GRIA1: variants seen among roughly 807,000 people sequenced by gnomAD.
GRIA1 encodes the protein glutamate receptor 1.
A neutral mutation model predicts 99.2 loss-of-function variants in GRIA1; 31 were observed. The observed-to-expected ratio is 0.31, with a 90% CI of 0.23 to 0.42. The LOEUF is 0.42. Ranked by LOEUF, GRIA1 falls within the 10% of genes least tolerant of loss-of-function variation. The pLI is 1.00. For synonymous variants in GRIA1, 438 were observed against 432.4 expected (o/e 1.01, Z -0.16); for missense variants, 782 against 1,157.5 (o/e 0.68, Z 4.71).
chr5:153,525,329 C>T (rs1161682459), intron 2 of GRIA1: 2 of 152,058 alleles, frequency 1.3e-5, no homozygotes, highest in Admixed American at 1.3e-4. Context: ...ATGTGCTAAC[C>T]ATCCTGTAAT....
rs184146342 is a variant in GRIA1, at chr5:153,709,437, A to G, written c.1823+3370A>G. Reference sequence around the variant, plus strand: ...ACTCTTTCTAATCTCTTCAAAGTTGATGTTAATGTCTAGTAACCAAAACCA... The same window carrying G: ...ACTCTTTCTAATCTCTTCAAAGTTGGTGTTAATGTCTAGTAACCAAAACCA... On this transcript the variant is annotated intron_variant, in intron 11 of 15. Transcript: ENST00000285900. Among the ~76,000 whole-genome samples, 3 of 152,310 alleles carry G rather than the reference A, an allele frequency of 2.0e-5. No homozygotes were observed. In the East Asian group the frequency reaches 5.8e-4, roughly 29 times the overall value.
rs73285902 is a variant in GRIA1 at position 153,601,607 on chromosome 5, A to T, written c.221-45321A>T. 3.3e-3 allele frequency among the ~76,000 whole-genome samples: 501 copies of T among 152,356 alleles called. 4 individuals carry two copies. The highest frequency in any genetic ancestry group is 0.011 in the African/African-American group (464 of 41,588). On this transcript the variant is annotated intron_variant, in intron 2 of 15. Transcript: ENST00000285900. ...CCTCTCTATTCAACACCAGATTGTTAGGGCTGAGCTGAAAAGCTCCTAAGT... is the reference window on the plus strand; with the variant it reads ...CCTCTCTATTCAACACCAGATTGTTTGGGCTGAGCTGAAAAGCTCCTAAGT...
chr5:153,787,903 AC>A (rs1458283213), intron 13 of GRIA1, among the ~76,000 whole-genome samples: 1 of 151,864 alleles, frequency 6.6e-6, no homozygotes, highest in Non-Finnish European at 1.5e-5. Flanking sequence ...ACACAGTGAA[AC>A]CCCGTCTCTA....
At chr5:153,677,203 G>A (rs1039694504) in intron 7 of GRIA1, 42 bp downstream of exon 7, 5 of 1,350,530 alleles carry the variant, frequency 3.7e-6, no homozygotes, top group Non-Finnish European at 3.9e-6. Flanking sequence ...GGAGCCTACT[G>A]GGGGATTTCA....
intron 2 of GRIA1, among the ~76,000 whole-genome samples, chr5:153,605,813 T>C (rs529859138): frequency 6.6e-6 from 1 of 152,220 alleles, no homozygotes; most frequent in African/African-American, 2.4e-5. Context: ...ATACCTTTTT[T>C]AAAAATTGAT....
chr5:153,771,229 G>T (rs1301017015), intron 13 of GRIA1, among the ~76,000 whole-genome samples: 1 of 152,104 alleles, frequency 6.6e-6, no homozygotes, highest in African/African-American at 2.4e-5. Context: ...TTATGTTGAA[G>T]GTCACTGAAA....
At chr5:153,578,259 A>T (rs1181487834) in intron 2 of GRIA1, among the ~76,000 whole-genome samples, 2 of 152,030 alleles carry the variant, frequency 1.3e-5, no homozygotes, top group African/African-American at 4.8e-5. Flanking sequence ...AGAAGGAAAC[A>T]TGAAGGTATT....
chr5:153,612,077 G>A (rs1766039433), intron 2 of GRIA1, among the ~76,000 whole-genome samples: 1 of 152,240 alleles, frequency 6.6e-6, no homozygotes, highest in African/African-American at 2.4e-5. Context: ...GTGAGATGGG[G>A]AAATGTGAGT....
intron 13 of GRIA1, among the ~76,000 whole-genome samples, chr5:153,785,488 CA>C (rs545248638): frequency 6.6e-5 from 10 of 151,266 alleles, no homozygotes; most frequent in East Asian, 1.9e-4. Flanking sequence ...ACAAAGGAAA[CA>C]AAAAAAATTA....
chr5:153,607,068 T>TATATATATATAA (rs1491415058), intron 2 of GRIA1, among the ~76,000 whole-genome samples: 67 of 140,434 alleles, frequency 4.8e-4, no homozygotes, highest in Non-Finnish European at 8.4e-4. Context: ...TATATATATA[T>TATATATATATAA]AATCACAGTT....
chr5:153,495,550 T>C (rs945663954), intron 2 of GRIA1, among the ~76,000 whole-genome samples: 4 of 152,130 alleles, frequency 2.6e-5, no homozygotes, highest in African/African-American at 9.7e-5. Flanking sequence ...AAGGCAGAGG[T>C]CTAATAAAGT....
chr5:153,760,860 C>A (rs1057160602), intron 11 of GRIA1, among the ~76,000 whole-genome samples: 2 of 152,006 alleles, frequency 1.3e-5, no homozygotes, highest in African/African-American at 4.8e-5. Flanking sequence ...AAATAGACAA[C>A]CCAGAAATTA....
rs1348038179 is a variant in GRIA1, at chr5:153,600,341, G to T, written c.221-46587G>T. 3.6e-5 allele frequency among the ~76,000 whole-genome samples: 5 copies of T among 137,388 alleles called. No homozygotes were observed. In the Admixed American group the frequency reaches 4.1e-4, roughly 11 times the overall value. The allele number at this position is 137,388 out of a possible 152,430, so 90.1% of individuals were successfully genotyped here. On this transcript the variant is annotated intron_variant, in intron 2 of 15. Transcript: ENST00000285900. Reference sequence around the variant, plus strand: ...CAGGAGGCGGAGTTTGCAGTGAGCCGAGATCGCGCCGCTGCACTCCAGCCT... The same window carrying T: ...CAGGAGGCGGAGTTTGCAGTGAGCCTAGATCGCGCCGCTGCACTCCAGCCT...
chr5:153,561,816 A>G (rs940511195), intron 2 of GRIA1, among the ~76,000 whole-genome samples: 1 of 152,196 alleles, frequency 6.6e-6, no homozygotes, highest in African/African-American at 2.4e-5. Context: ...GGAGGGGGCA[A>G]TCACTTCCAC....
chr5:153,532,344 CAT>C (rs1936890344), intron 2 of GRIA1, among the ~76,000 whole-genome samples: 2 of 152,262 alleles, frequency 1.3e-5, no homozygotes, highest in African/African-American at 4.8e-5. Flanking sequence ...TAAGCATTCT[CAT>C]AGACCTCTGA....
intron 11 of GRIA1, among the ~76,000 whole-genome samples, chr5:153,718,459 G>T (rs927775855): frequency 2.6e-5 from 4 of 152,080 alleles, no homozygotes; most frequent in Non-Finnish European, 5.9e-5. Context: ...TGAGGCCAAG[G>T]ATCCCATTAT....
intron 15 of GRIA1, among the ~76,000 whole-genome samples, chr5:153,810,253 G>T (rs1362503164): frequency 1.3e-5 from 2 of 152,200 alleles, no homozygotes; most frequent in Non-Finnish European, 2.9e-5. Context: ...GAAGTACAGG[G>T]TCTACATGCT....
chr5:153,804,715 T>C (rs1182809043), intron 15 of GRIA1, among the ~76,000 whole-genome samples: 1 of 140,050 alleles, frequency 7.1e-6, no homozygotes, highest in East Asian at 2.0e-4. Context: ...TGATCCTTAT[T>C]AATTAATTAA....
At chr5:153,491,245 G>GA (rs34449755) in intron 1 of GRIA1, 104,394 of 1,219,358 alleles carry the variant, frequency 0.086, 3,969 homozygotes, top group African/African-American at 0.31. Context: ...CGCTTTGGAG[G>GA]AAAAAAAAAA....
Sources: gnomAD v4.1 joint callset for allele counts (sites outside exome capture counted in the v4.1 genomes callset) on GRCh38, gnomAD v4.1.1 for gene constraint, MANE v1.5 for transcripts, NCBI Gene and HGNC (gene_info 2026-07-23, HGNC 2026-07-21) for gene names.